Variants in PDE4D observed in about 807,000 individuals in gnomAD.
PDE4D encodes the protein phosphodiesterase 4D, also known as 3',5'-cyclic-AMP phosphodiesterase 4D.
A neutral mutation model predicts 87.4 loss-of-function variants in PDE4D; 24 were observed. The ratio of observed to expected loss-of-function variants is 0.27; its 90% CI spans 0.20 to 0.39. The LOEUF (loss-of-function observed/expected upper bound fraction) is 0.39. Ranked by LOEUF, PDE4D falls within the 10% of genes least tolerant of loss-of-function variation. The probability of loss-of-function intolerance (pLI) is 1.00; values close to 1 mark genes in which losing one functional copy is unlikely to be tolerated. For synonymous variants in PDE4D, 384 were observed against 383.2 expected (o/e 1.00, Z -0.02); for missense variants, 714 against 1,041.0 (o/e 0.69, Z 4.32).
intron 2 of PDE4D, among the ~76,000 whole-genome samples, chr5:60,104,479 G>A (rs965464359): frequency 6.6e-6 from 1 of 152,234 alleles, no homozygotes; most frequent in African/African-American, 2.4e-5. Context: ...AGACTTAAAT[G>A]TCCCTGTCTG....
intron 1 of PDE4D, among the ~76,000 whole-genome samples, chr5:60,390,360 C>T (rs1233526408): frequency 6.6e-6 from 1 of 152,212 alleles, no homozygotes; most frequent in Non-Finnish European, 1.5e-5. Context: ...CAACAGTACT[C>T]TGTGACCTCT....
chr5:59,465,359 C>T (rs113521837), intron 1 of PDE4D, among the ~76,000 whole-genome samples: 4 of 152,254 alleles, frequency 2.6e-5, no homozygotes, highest in African/African-American at 9.6e-5. Context: ...TTTTGGAACA[C>T]ATATCCATAC....
At chr5:59,040,460 T>C (rs1441085814) in intron 5 of PDE4D, among the ~76,000 whole-genome samples, 1 of 152,200 alleles carries the variant, frequency 6.6e-6, no homozygotes, top group South Asian at 2.1e-4. Context: ...TAGATGATCT[T>C]GGGCCAAGGA....
intron 5 of PDE4D, among the ~76,000 whole-genome samples, chr5:59,135,227 C>T (rs1256442148): frequency 2.0e-5 from 3 of 152,154 alleles, no homozygotes; most frequent in Non-Finnish European, 4.4e-5. Flanking sequence ...TACATTAAGG[C>T]ACATTTATTT....
At chr5:59,464,675 T>C (rs1207656593) in intron 1 of PDE4D, among the ~76,000 whole-genome samples, 1 of 152,158 alleles carries the variant, frequency 6.6e-6, no homozygotes, top group African/African-American at 2.4e-5. Context: ...ACTTTGTCTC[T>C]GTGTCTTTTT....
At chr5:59,768,466 A>G in intron 1 of PDE4D, 1 of 1,598,342 alleles carries the variant, frequency 6.3e-7, no homozygotes, top group Non-Finnish European at 8.5e-7. Flanking sequence ...CGGATTATCC[A>G]CTTCAGGTAC....
intron 5 of PDE4D, among the ~76,000 whole-genome samples, chr5:59,075,485 T>C (rs1412877507): frequency 6.8e-6 from 1 of 148,096 alleles, no homozygotes; most frequent in Non-Finnish European, 1.5e-5. Flanking sequence ...AAATCATTGG[T>C]ATGCACATTT....
intron 1 of PDE4D, among the ~76,000 whole-genome samples, chr5:59,536,711 G>A (rs984218331): frequency 4.6e-5 from 7 of 151,840 alleles, no homozygotes; most frequent in African/African-American, 1.7e-4. Context: ...GACCCTTACA[G>A]GCTTTTGAAA....
chr5:59,082,146 G>A (rs79403218), intron 5 of PDE4D, among the ~76,000 whole-genome samples: 226 of 152,266 alleles, frequency 1.5e-3, no homozygotes, highest in Middle Eastern at 0.01. Flanking sequence ...ACAGCAGCAT[G>A]AGAATGGCCT....
chr5:59,808,306 A>G (rs956211244), intron 1 of PDE4D, among the ~76,000 whole-genome samples: 2 of 152,058 alleles, frequency 1.3e-5, no homozygotes, highest in Non-Finnish European at 2.9e-5. Context: ...TTCTCTTTTA[A>G]GATTGGCCAT....
intron 7 of PDE4D, among the ~76,000 whole-genome samples, chr5:58,992,874 C>A (rs1246756952): frequency 6.6e-6 from 1 of 152,106 alleles, no homozygotes; most frequent in East Asian, 1.9e-4. Context: ...GGATGAGGTA[C>A]AAGAGTTGTC....
At chr5:60,257,446 CA>C (rs1247960920) in intron 1 of PDE4D, among the ~76,000 whole-genome samples, 2 of 151,740 alleles carry the variant, frequency 1.3e-5, no homozygotes, top group East Asian at 1.9e-4. Context: ...TCATGCAAGA[CA>C]AAAAAAGTAT....
At chr5:59,540,299 A>G (rs550693831) in intron 1 of PDE4D, among the ~76,000 whole-genome samples, 1 of 152,270 alleles carries the variant, frequency 6.6e-6, no homozygotes, top group East Asian at 1.9e-4. Flanking sequence ...GCCTAAATAC[A>G]TAAAGCCTGT....
chr5:60,010,283 A>C (rs1764904555), intron 2 of PDE4D, among the ~76,000 whole-genome samples: 1 of 152,170 alleles, frequency 6.6e-6, no homozygotes, highest in Admixed American at 6.6e-5. Flanking sequence ...GCATGCAGTA[A>C]TTGTGAAGAT....
At chr5:60,180,947 G>A (rs1002607093) in intron 2 of PDE4D, among the ~76,000 whole-genome samples, 4 of 152,058 alleles carry the variant, frequency 2.6e-5, no homozygotes, top group South Asian at 4.1e-4. Context: ...TGTCAATCTC[G>A]TAGCTTAGGT....
chr5:59,205,422 A>T (rs1748522022), intron 2 of PDE4D, among the ~76,000 whole-genome samples: 1 of 152,130 alleles, frequency 6.6e-6, no homozygotes, highest in South Asian at 2.1e-4. Flanking sequence ...CAAGGCATGG[A>T]AATGTTCAGT....
chr5:59,057,009 G>A (rs1762477505), intron 5 of PDE4D, among the ~76,000 whole-genome samples: 1 of 152,090 alleles, frequency 6.6e-6, no homozygotes. Context: ...GGGCCCTGTG[G>A]ACCCAGGATC....
intron 2 of PDE4D, 35 bp downstream of exon 2, chr5:59,215,742 C>T (rs1751114799): frequency 2.5e-6 from 4 of 1,579,952 alleles, no homozygotes; most frequent in South Asian, 1.1e-5. Context: ...TAAATTTACT[C>T]GGTTTTCTCT....
chr5:60,223,434 C>T (rs901667058), intron 1 of PDE4D, among the ~76,000 whole-genome samples: 5 of 152,074 alleles, frequency 3.3e-5, no homozygotes, highest in Non-Finnish European at 7.4e-5. Context: ...GCATGGGACA[C>T]CACAAGAATT....
Sources: allele counts gnomAD v4.1 joint callset (sites outside exome capture counted in the v4.1 genomes callset), GRCh38; gene constraint gnomAD v4.1.1; transcripts MANE v1.5; gene names NCBI Gene and HGNC (gene_info 2026-07-23, HGNC 2026-07-21).